The following TRIM71 variants were observed in gnomAD, a reference collection of about 807,000 sequenced individuals.
The protein encoded by TRIM71 is tripartite motif containing 71.
A neutral mutation model predicts 61.2 loss-of-function variants in TRIM71; 9 were observed. The observed-to-expected ratio is 0.15, with a 90% CI of 0.09 to 0.26. The LOEUF is 0.26. TRIM71 is among the 10% of genes least tolerant of loss of function. The probability of loss-of-function intolerance (pLI) is 1.00; values close to 1 mark genes in which losing one functional copy is unlikely to be tolerated. For synonymous variants in TRIM71, 645 were observed against 553.2 expected (o/e 1.17, Z -2.33); for missense variants, 998 against 1,238.7 (o/e 0.81, Z 2.92).
At chr3:32,850,774 A>G (rs888948450) in intron 1 of TRIM71, among the ~76,000 whole-genome samples, 1 of 151,860 alleles carries the variant, frequency 6.6e-6, no homozygotes, top group Non-Finnish European at 1.5e-5. Context: ...TGTAGGGGGG[A>G]CCATTCGCTG....
At chr3:32,841,645 C>T (rs1439020388) in intron 1 of TRIM71, among the ~76,000 whole-genome samples, 1 of 152,146 alleles carries the variant, frequency 6.6e-6, no homozygotes, top group Non-Finnish European at 1.5e-5. Context: ...GAAAAAGCCC[C>T]AGAGGCAGGG....
chr3:32,891,929 TTTTTTC>T lies in TRIM71; in HGVS notation c.*124_*129del. The T allele has an allele frequency of 3.3e-5, 46 of 1,383,460 alleles. No homozygotes were observed. Among genetic ancestry groups the T allele is most frequent in the Non-Finnish European group, 4.4e-5 (46 of 1,054,632 alleles). The allele number at this position is 1,383,460 out of a possible 1,614,324, so 85.7% of individuals were successfully genotyped here. ...GAAGAAACAGTCTCAGGGAAATTTC[TTTTTTC>T]TTTTTTTTTTTTAAAGAGAACAAGA... On this transcript the variant is annotated 3_prime_UTR_variant, in exon 4 of 4. Coordinates refer to ENST00000383763, the MANE Select transcript of TRIM71 (RefSeq NM_001039111.3). This position sits in a 1 kb window ranked among gnomAD's most constrained non-coding sequence, Gnocchi z 8.2.
At chr3:32,837,805 C>T (rs1418933127) in intron 1 of TRIM71, among the ~76,000 whole-genome samples, 2 of 131,168 alleles carry the variant, frequency 1.5e-5, no homozygotes, top group African/African-American at 5.0e-5. Flanking sequence ...GACTCCATCT[C>T]AAAAAAAGAA....
At chr3:32,841,435 T>TG (rs1421508068) in intron 1 of TRIM71, among the ~76,000 whole-genome samples, 2 of 152,050 alleles carry the variant, frequency 1.3e-5, no homozygotes, top group African/African-American at 2.4e-5. Flanking sequence ...CCCAGCACTT[T>TG]GGGAGGCCAA....
intron 1 of TRIM71, among the ~76,000 whole-genome samples, chr3:32,828,298 A>C (rs1316033434): frequency 6.6e-6 from 1 of 152,182 alleles, no homozygotes; most frequent in Non-Finnish European, 1.5e-5. Context: ...TAACAGTTGG[A>C]AAAATGTAAG....
At chr3:32,826,381 T>C (rs1029970826) in intron 1 of TRIM71, among the ~76,000 whole-genome samples, 2 of 152,096 alleles carry the variant, frequency 1.3e-5, no homozygotes, top group Non-Finnish European at 2.9e-5. Context: ...GAGGTTGCAG[T>C]GGGCCAGGAT....
chr3:32,854,123 GAATGA>G (rs1696570532), intron 1 of TRIM71, among the ~76,000 whole-genome samples: 1 of 152,190 alleles, frequency 6.6e-6, no homozygotes, highest in Non-Finnish European at 1.5e-5. Flanking sequence ...CAAGTATCTG[GAATGA>G]CAGGCATGTG....
intron 1 of TRIM71, among the ~76,000 whole-genome samples, chr3:32,836,715 C>G (rs1312103363): frequency 2.6e-5 from 4 of 152,122 alleles, no homozygotes; most frequent in African/African-American, 9.7e-5. Flanking sequence ...GGAAGCCATT[C>G]TGAAAATAGC....
At chr3:32,886,576 C>T (rs1436888530) in intron 3 of TRIM71, among the ~76,000 whole-genome samples, 1 of 152,224 alleles carries the variant, frequency 6.6e-6, no homozygotes, top group East Asian at 1.9e-4. Context: ...ACTTGCCCCA[C>T]CCAAGCCAGC....
At chr3:32,889,109 G>A (rs1003520078) in intron 3 of TRIM71, among the ~76,000 whole-genome samples, 6 of 151,970 alleles carry the variant, frequency 3.9e-5, no homozygotes, top group South Asian at 2.1e-4. Context: ...TTATTTCTTC[G>A]TTTGCTTTTG....
In TRIM71 at chr3:32,896,158, C is replaced by CT. The variant is rs1575363991; in HGVS notation, c.*4350dup. 3 of 152,176 alleles carry CT rather than the reference C, an allele frequency of 2.0e-5. No individual in the cohort carries two copies. In the South Asian group the frequency reaches 6.2e-4, roughly 31 times the overall value. The allele number at this position is 152,176 out of a possible 1,614,324, so 9.4% of individuals were successfully genotyped here. ...ACTACAAATAAAGACCTTTAGGTCT[C>CT]TTTCTCTTCAAGAGAAAAATATTTT... On this transcript the variant is annotated 3_prime_UTR_variant, in exon 4 of 4. Transcript: ENST00000383763.
chr3:32,866,704 G>T (rs551127477), intron 1 of TRIM71, among the ~76,000 whole-genome samples: 3 of 152,256 alleles, frequency 2.0e-5, no homozygotes, highest in Admixed American at 2.0e-4. Context: ...CTGTGTGATT[G>T]TGGGGCCTGG....
chr3:32,875,531 G>A (rs1211520609), intron 2 of TRIM71, among the ~76,000 whole-genome samples: 3 of 152,214 alleles, frequency 2.0e-5, no homozygotes, highest in African/African-American at 7.2e-5. Context: ...ATTTATATAA[G>A]TGAATTGTTT....
rs1482472133 is a variant in TRIM71 at position 32,892,752 on chromosome 3, G to C, written c.*941G>C. The C allele has an allele frequency of 6.6e-6, 1 of 152,188 alleles. No individual in the cohort carries two copies. The highest frequency in any genetic ancestry group is 1.5e-5 in the Non-Finnish European group (1 of 68,036). 9.4% of individuals were successfully genotyped at this position (152,188 alleles called of 1,614,324 possible). A position where few individuals can be genotyped will look rare whatever the true frequency, so the allele number is the denominator to read the frequency against. On this transcript the variant is annotated 3_prime_UTR_variant, in exon 4 of 4. Coordinates refer to ENST00000383763, the MANE Select transcript of TRIM71 (RefSeq NM_001039111.3). Reference sequence around the variant, plus strand: ...AAAAGTTATGCTTTCTTATTTTGCTGTTAGGTTATAAAGGGTTAAATGGAA... The same window carrying C: ...AAAAGTTATGCTTTCTTATTTTGCTCTTAGGTTATAAAGGGTTAAATGGAA...
At chr3:32,839,725 T>G (rs1313461379) in intron 1 of TRIM71, among the ~76,000 whole-genome samples, 1 of 151,698 alleles carries the variant, frequency 6.6e-6, no homozygotes, top group African/African-American at 2.4e-5. Flanking sequence ...GGGTTCAGAA[T>G]TGGTTTCTCA....
intron 1 of TRIM71, among the ~76,000 whole-genome samples, chr3:32,839,195 C>A (rs1350544683): frequency 6.6e-6 from 1 of 152,068 alleles, no homozygotes. Context: ...CCATTCAGAA[C>A]CATCTTTCAT....
chr3:32,854,400 A>G (rs943990703), intron 1 of TRIM71, among the ~76,000 whole-genome samples: 1 of 152,150 alleles, frequency 6.6e-6, no homozygotes, highest in Non-Finnish European at 1.5e-5. Context: ...ATGCTTCTGG[A>G]CATTGCTTAG....
At chr3:32,856,298 T>G (rs1296496064) in intron 1 of TRIM71, among the ~76,000 whole-genome samples, 2 of 152,190 alleles carry the variant, frequency 1.3e-5, no homozygotes, top group African/African-American at 4.8e-5. Context: ...ATTACAGGCG[T>G]GAGCCACCGC....
chr3:32,844,095 GCGT>G (rs1211946499), intron 1 of TRIM71, among the ~76,000 whole-genome samples: 3 of 152,090 alleles, frequency 2.0e-5, no homozygotes, highest in Non-Finnish European at 4.4e-5. Flanking sequence ...ATGCTTTCTC[GCGT>G]CGTCGTTATT....
Sources: gnomAD v4.1 joint callset for allele counts (sites outside exome capture counted in the v4.1 genomes callset) on GRCh38, gnomAD v4.1.1 for gene constraint, Gnocchi (gnomAD v3.1) non-coding constraint, MANE v1.5 for transcripts, NCBI Gene and HGNC (gene_info 2026-07-23, HGNC 2026-07-21) for gene names.